The following FER variants were observed in gnomAD, a reference collection of about 807,000 sequenced individuals.
FER encodes FER tyrosine kinase, also known as tyrosine-protein kinase Fer.
A neutral mutation model predicts 111.0 loss-of-function variants in FER; 63 were observed. The ratio of observed to expected loss-of-function variants is 0.57; its 90% confidence interval spans 0.46 to 0.70. The LOEUF is 0.70. Ranked by LOEUF, FER falls within the 30% of genes least tolerant of loss-of-function variation. FER has a pLI of 0.00. For synonymous variants in FER, 327 were observed against 313.9 expected, an observed-to-expected ratio of 1.04 and a Z score of -0.44; for missense variants, 914 against 954.0, an observed-to-expected ratio of 0.96 and a Z score of 0.55.
rs554427381 is a variant in FER, at chr5:108,779,962, G to A, written c.-60+11724G>A. Among the ~76,000 whole-genome samples, 5 of 152,184 alleles carry A rather than the reference G, an allele frequency of 3.3e-5. No individual in the cohort carries two copies. In the East Asian group the frequency reaches 9.7e-4, roughly 29 times the overall value. Reference sequence around the variant, plus strand: ...TACACTTATAGATAAACATACATAAGCATATATCTGTATACACACACATAA... The same window carrying A: ...TACACTTATAGATAAACATACATAAACATATATCTGTATACACACACATAA... On this transcript the variant is annotated intron_variant, in intron 2 of 19. Coordinates refer to ENST00000281092, the MANE Select transcript of FER (RefSeq NM_005246.4).
intron 2 of FER, among the ~76,000 whole-genome samples, chr5:108,779,523 A>G (rs951530098): frequency 6.6e-6 from 1 of 152,142 alleles, no homozygotes; most frequent in Non-Finnish European, 1.5e-5. Context: ...TTAGATTTAT[A>G]TGTAAGTATG....
At chr5:108,933,775 T>A (rs959555799) in intron 10 of FER, among the ~76,000 whole-genome samples, 31 of 152,304 alleles carry the variant, frequency 2.0e-4, no homozygotes, top group African/African-American at 6.5e-4. Context: ...CCTCTCTGAT[T>A]TCCTTGAGCA....
intron 13 of FER, among the ~76,000 whole-genome samples, chr5:108,966,274 T>C (rs1269323942): frequency 1.3e-5 from 2 of 152,188 alleles, no homozygotes; most frequent in East Asian, 3.8e-4. Flanking sequence ...GAATAAGTCA[T>C]TGGAATTTTT....
chr5:109,019,348 A>G (rs1767621375), intron 13 of FER, among the ~76,000 whole-genome samples: 1 of 151,868 alleles, frequency 6.6e-6, no homozygotes, highest in Non-Finnish European at 1.5e-5. Flanking sequence ...TGCTCAAAAC[A>G]TTTTATATAA....
At chr5:108,792,348 T>C (rs1755474535) in intron 2 of FER, among the ~76,000 whole-genome samples, 1 of 152,222 alleles carries the variant, frequency 6.6e-6, no homozygotes. Flanking sequence ...TAAAATTACT[T>C]TCTTTTTTGA....
intron 11 of FER, 52 bp downstream of exon 11, chr5:108,946,274 T>C (rs1404066877): frequency 8.4e-7 from 1 of 1,189,634 alleles, no homozygotes; most frequent in South Asian, 1.2e-5. Context: ...GTCTAGCTTC[T>C]TTCTGATGCA....
intron 10 of FER, among the ~76,000 whole-genome samples, chr5:108,937,959 T>C (rs1245830335): frequency 2.6e-5 from 4 of 151,588 alleles, no homozygotes; most frequent in Non-Finnish European, 5.9e-5. Context: ...TTCATCCTTC[T>C]CTTTCTTCTG....
chr5:109,018,149 A>G (rs1561780522), intron 13 of FER, among the ~76,000 whole-genome samples: 1 of 151,776 alleles, frequency 6.6e-6, no homozygotes, highest in Admixed American at 6.6e-5. Context: ...TGAATTGGAG[A>G]CATAAGAAGG....
At chr5:109,076,753 A>G (rs1581923393) in intron 16 of FER, among the ~76,000 whole-genome samples, 2 of 152,172 alleles carry the variant, frequency 1.3e-5, no homozygotes, top group African/African-American at 4.8e-5. Flanking sequence ...GGTTGTTTCA[A>G]ACTGGAAGTC....
At chr5:108,834,748 T>C (rs1186972811) in intron 4 of FER, among the ~76,000 whole-genome samples, 1 of 152,046 alleles carries the variant, frequency 6.6e-6, no homozygotes, top group African/African-American at 2.4e-5. Flanking sequence ...CCAAATAGTT[T>C]TACAAAGTTA....
intron 1 of FER, among the ~76,000 whole-genome samples, chr5:108,756,108 C>G (rs1299257035): frequency 6.7e-6 from 1 of 148,844 alleles, no homozygotes; most frequent in East Asian, 2.0e-4. Context: ...GAGCCGAGAC[C>G]ATGCCATTGC....
intron 13 of FER, among the ~76,000 whole-genome samples, chr5:108,999,469 T>C (rs1385101539): frequency 6.6e-6 from 1 of 152,158 alleles, no homozygotes; most frequent in Non-Finnish European, 1.5e-5. Flanking sequence ...TTTGTTTTGC[T>C]TTTAATTTTC....
At chr5:108,758,888 C>G (rs1185703612) in intron 1 of FER, among the ~76,000 whole-genome samples, 2 of 152,242 alleles carry the variant, frequency 1.3e-5, no homozygotes, top group East Asian at 3.9e-4. Context: ...GCATACATTT[C>G]CTCCTTTGTA....
intron 17 of FER, among the ~76,000 whole-genome samples, chr5:109,167,203 G>C (rs973266349): frequency 6.6e-6 from 1 of 152,112 alleles, no homozygotes; most frequent in African/African-American, 2.4e-5. Context: ...GTGCCAGCTG[G>C]TTGATACGTA....
chr5:109,050,601 A>C (rs1395019976), intron 16 of FER, among the ~76,000 whole-genome samples: 2 of 152,242 alleles, frequency 1.3e-5, no homozygotes, highest in African/African-American at 4.8e-5. Context: ...GAATGTGAGT[A>C]GTAGCTGAGG....
Position 109,083,092 on chromosome 5 carries a change from A to G in FER, c.1925-17304A>G, listed in dbSNP as rs139208517. Among the ~76,000 whole-genome samples the G allele has an allele frequency of 2.1e-4, 32 of 152,192 alleles. No individual in the cohort carries two copies. In the East Asian group the frequency reaches 5.8e-3, roughly 28 times the overall value. On this transcript the variant is annotated intron_variant, in intron 16 of 19. Coordinates refer to ENST00000281092, the MANE Select transcript of FER (RefSeq NM_005246.4). Reference sequence around the variant, plus strand: ...TTTAGTGTTCTTGAAGAAATAATTAATGATATGCTGCCCTAGTATGTGTAA... The same window carrying G: ...TTTAGTGTTCTTGAAGAAATAATTAGTGATATGCTGCCCTAGTATGTGTAA...
rs150436336 is a variant in FER at position 109,017,820 on chromosome 5, A to G, written c.1657-19602A>G. Among the ~76,000 whole-genome samples the G allele has an allele frequency of 5.7e-3, 861 of 152,068 alleles. 9 individuals carry two copies. The highest frequency in any genetic ancestry group is 0.019 in the African/African-American group (795 of 41,564). On this transcript the variant is annotated intron_variant, in intron 13 of 19. Transcript: ENST00000281092. ...AATGACCATTATCCAAGAAATTCAC[A>G]AAACCTACTTGTTTTCCCTCAATTA...
intron 16 of FER, among the ~76,000 whole-genome samples, chr5:109,070,974 G>A (rs1775698426): frequency 6.6e-6 from 1 of 151,890 alleles, no homozygotes. Flanking sequence ...CTATCGTATG[G>A]CAGCTTTGCT....
At position 108,992,766 on chromosome 5, in the gene FER, C is replaced by T. The variant is rs6890480; in HGVS notation, c.1656+33419C>T. Among the ~76,000 whole-genome samples the T allele has an allele frequency of 1.5e-3, 222 of 151,106 alleles. 1 individual carries two copies. The highest frequency in any genetic ancestry group is 5.3e-3 in the African/African-American group (220 of 41,126). ...ACGGGGTGGCTGCCGGGCGGAGGGG[C>T]TCCTCACTTCTCAGACGGGGCGGTT... On this transcript the variant is annotated intron_variant, in intron 13 of 19. Transcript: ENST00000281092.
Sources: allele counts gnomAD v4.1 joint callset (sites outside exome capture counted in the v4.1 genomes callset), GRCh38; gene constraint gnomAD v4.1.1; transcripts MANE v1.5; gene names NCBI Gene and HGNC (gene_info 2026-07-23, HGNC 2026-07-21).